Variants in DROSHA observed in about 807,000 individuals in gnomAD.
The protein encoded by DROSHA is ribonuclease 3.
A neutral mutation model predicts 181.9 loss-of-function variants in DROSHA; 56 were observed. The ratio of observed to expected loss-of-function variants is 0.31; its 90% CI spans 0.25 to 0.38. DROSHA has a LOEUF of 0.38. Among genes scored for constraint, DROSHA ranks in the 10% least tolerant of loss-of-function variants. DROSHA has a pLI of 1.00. For synonymous variants in DROSHA, 524 were observed against 591.2 expected (o/e 0.89, Z 1.65); for missense variants, 1,218 against 1,743.5 (o/e 0.70, Z 5.37).
At chr5:31,403,291 A>G (rs1740250419) in intron 35 of DROSHA, among the ~76,000 whole-genome samples, 1 of 152,234 alleles carries the variant, frequency 6.6e-6, no homozygotes, top group South Asian at 2.1e-4. Context: ...TCAAATTTGC[A>G]TTTGAAAAAC....
chr5:31,510,092 CAT>C (rs1738501705), intron 9 of DROSHA, among the ~76,000 whole-genome samples: 2 of 141,834 alleles, frequency 1.4e-5, no homozygotes, highest in African/African-American at 5.1e-5. Context: ...ATTAATCCTA[CAT>C]AGTGAGATTC....
chr5:31,427,607 A>G (rs1743643885), intron 27 of DROSHA, among the ~76,000 whole-genome samples: 1 of 152,184 alleles, frequency 6.6e-6, no homozygotes, highest in Non-Finnish European at 1.5e-5. Flanking sequence ...ACCCAATCCC[A>G]AAGTAATCTC....
At chr5:31,417,513 C>G (rs561144271) in intron 30 of DROSHA, among the ~76,000 whole-genome samples, 60 of 152,234 alleles carry the variant, frequency 3.9e-4, no homozygotes, top group African/African-American at 1.1e-3. Flanking sequence ...ATCTGGACTG[C>G]AGTGGCTCAG....
intron 24 of DROSHA, 86 bp from the exon 25 acceptor site, chr5:31,435,950 A>G: frequency 1.6e-6 from 2 of 1,223,108 alleles, no homozygotes; most frequent in South Asian, 1.4e-5. Context: ...GGGCTGGCAC[A>G]CAGTAGCTGT....
intron 16 of DROSHA, among the ~76,000 whole-genome samples, chr5:31,476,424 T>C (rs771362406): frequency 2.0e-5 from 3 of 152,192 alleles, no homozygotes; most frequent in African/African-American, 4.8e-5. Flanking sequence ...TCCACCTTCT[T>C]ATTTAGGTAC....
At chr5:31,472,733 C>T (rs1285527453) in intron 16 of DROSHA, among the ~76,000 whole-genome samples, 4 of 152,148 alleles carry the variant, frequency 2.6e-5, no homozygotes, top group Admixed American at 1.3e-4. Context: ...TTTTTTGGTG[C>T]TAATGTGCTG....
rs1580251921 is a variant in DROSHA, at chr5:31,483,647, A to G, written c.1997-19T>C. ...AAAGGACCTGAAGCAAACAAATGAGAAAAAAAAAAAAAAAAGAAAACTCAG... is the reference window on the plus strand; with the variant it reads ...AAAGGACCTGAAGCAAACAAATGAGGAAAAAAAAAAAAAAAGAAAACTCAG... On this transcript the variant is annotated intron_variant, in intron 15 of 35. Coordinates refer to ENST00000344624, the MANE Select transcript of DROSHA (RefSeq NM_001382508.1). The G allele has an allele frequency of 1.0e-4, 3 of 28,970 alleles. No individual in the cohort carries two copies. The highest frequency in any genetic ancestry group is 3.9e-3 in the South Asian group (2 of 516). 1.8% of individuals were successfully genotyped at this position (28,970 alleles called of 1,614,324 possible). A position where few individuals can be genotyped will look rare whatever the true frequency, so the allele number is the denominator to read the frequency against.
At chr5:31,518,991 G>T (rs1739575266) in intron 6 of DROSHA, among the ~76,000 whole-genome samples, 1 of 152,064 alleles carries the variant, frequency 6.6e-6, no homozygotes, top group South Asian at 2.1e-4. Flanking sequence ...AGAAACAAAA[G>T]ATCTTTTTTA....
intron 29 of DROSHA, 52 bp from the exon 30 acceptor site, chr5:31,421,429 CA>C (rs1465521789): frequency 4.4e-6 from 6 of 1,369,884 alleles, no homozygotes; most frequent in Admixed American, 3.8e-5. Context: ...TATGGATTTC[CA>C]AAAAAACACC....
chr5:31,468,721 TA>T (rs144669272), intron 17 of DROSHA, among the ~76,000 whole-genome samples: 1 of 152,166 alleles, frequency 6.6e-6, no homozygotes, highest in Non-Finnish European at 1.5e-5. Flanking sequence ...GAAAAGATGG[TA>T]AAATCACAGA....
intron 10 of DROSHA, 126 bp downstream of exon 10, chr5:31,508,495 T>C: frequency 7.2e-7 from 1 of 1,393,932 alleles, no homozygotes; most frequent in South Asian, 1.4e-5. Flanking sequence ...GAAATAGCTC[T>C]GAAGGACAAA....
intron 27 of DROSHA, 127 bp downstream of exon 27, chr5:31,429,348 G>T: frequency 1.3e-6 from 1 of 780,166 alleles, no homozygotes; most frequent in Non-Finnish European, 1.9e-6. Context: ...GTATTGAAAT[G>T]TCCCATCTAT....
Position 31,424,453 on chromosome 5 carries a change from G to A in DROSHA, c.3235C>T (p.Leu1079Phe), listed in dbSNP as rs988186391. Residue 1079 changes from leucine to phenylalanine, a missense_variant, in exon 28 of 36, where the codon CTC (leucine) becomes TTC (phenylalanine). Physicochemically the swap from Leu to Phe is conservative, Grantham distance 22. This residue lies in a region of DROSHA where 71 missense variants were observed against 95.2 expected (regional missense o/e 0.75). Transcript: ENST00000344624. ...FNDPDLREVW[L>F]NYPLHPLQLQ... Reference sequence around the variant, plus strand: ...TGGAGTGGGTGGAGAGGATAATTGAGCCAGACTTCGCGCAGGTCCTGGAAA... The same window carrying A: ...TGGAGTGGGTGGAGAGGATAATTGAACCAGACTTCGCGCAGGTCCTGGAAA... 5.6e-6 allele frequency: 9 copies of A among 1,596,958 alleles called. No homozygotes were observed. Among genetic ancestry groups the A allele is most frequent in the African/African-American group, 1.3e-5 (1 of 74,656 alleles).
At chr5:31,432,134 ATT>A (rs749470013) in intron 25 of DROSHA, among the ~76,000 whole-genome samples, 1 of 143,698 alleles carries the variant, frequency 7.0e-6, no homozygotes. Context: ...TACAAAACAG[ATT>A]TTTTTTTTTT....
chr5:31,401,786 G>A (rs1279752754), intron 35 of DROSHA, among the ~76,000 whole-genome samples: 1 of 152,106 alleles, frequency 6.6e-6, no homozygotes, highest in Non-Finnish European at 1.5e-5. Context: ...GTAAATTTCA[G>A]TATCTGATGT....
Position 31,532,088 on chromosome 5 carries a change from G to A in DROSHA, c.-348C>T. Reference sequence around the variant, plus strand: ...GGCACCGCCCGCGCCTCCGGAACAGGAAACCGAGGGAATTAAAAAGCAAAC... The same window carrying A: ...GGCACCGCCCGCGCCTCCGGAACAGAAAACCGAGGGAATTAAAAAGCAAAC... On this transcript the variant is annotated 5_prime_UTR_variant, in exon 1 of 36. Transcript: ENST00000344624. The A allele has an allele frequency of 4.7e-6, 2 of 428,400 alleles. No individual in the cohort carries two copies. The highest frequency in any genetic ancestry group is 4.2e-6 in the Non-Finnish European group (1 of 237,232). The allele number at this position is 428,400 out of a possible 1,614,324, so 26.5% of individuals were successfully genotyped here.
At chr5:31,501,880 A>C (rs766405194) in intron 11 of DROSHA, among the ~76,000 whole-genome samples, 1 of 152,200 alleles carries the variant, frequency 6.6e-6, no homozygotes, top group African/African-American at 2.4e-5. Context: ...ACACTGCTCC[A>C]TTACACCTCT....
At chr5:31,462,186 A>T (rs1293389848) in intron 20 of DROSHA, among the ~76,000 whole-genome samples, 2 of 152,170 alleles carry the variant, frequency 1.3e-5, no homozygotes, top group African/African-American at 4.8e-5. Flanking sequence ...CCATAAAGCA[A>T]TTCCTTCTGT....
At chr5:31,419,803 G>A (rs1340368673) in intron 30 of DROSHA, among the ~76,000 whole-genome samples, 4 of 152,132 alleles carry the variant, frequency 2.6e-5, no homozygotes, top group South Asian at 2.1e-4. Context: ...ACTCTGACAC[G>A]TATGAAGTGT....
Sources: allele counts gnomAD v4.1 joint callset (sites outside exome capture counted in the v4.1 genomes callset), GRCh38; gene constraint gnomAD v4.1.1; regional missense constraint gnomAD v4.1.1; transcripts MANE v1.5; gene names NCBI Gene and HGNC (gene_info 2026-07-23, HGNC 2026-07-21).